The following DENND4C variants were observed in gnomAD, a reference collection of about 807,000 sequenced individuals.
The protein encoded by DENND4C is DENN domain containing 4C.
A neutral mutation model predicts 203.0 loss-of-function variants in DENND4C; 108 were observed. The ratio of observed to expected loss-of-function variants is 0.53; its 90% CI spans 0.46 to 0.62. DENND4C has a LOEUF of 0.62. DENND4C is among the 20% of genes least tolerant of loss of function. The pLI is 0.00. For missense variants in DENND4C, 2,481 were observed against 2,301.2 expected (o/e 1.08, Z -1.60); for synonymous variants, 871 against 792.4 (o/e 1.10, Z -1.67).
chr9:19,365,026 T>C (rs888401954), intron 30 of DENND4C, among the ~76,000 whole-genome samples: 37 of 152,344 alleles, frequency 2.4e-4, no homozygotes, highest in Middle Eastern at 3.4e-3. Flanking sequence ...AGTTTAAGCC[T>C]GAGAGCACTC....
At chr9:19,356,931 G>T (rs770137023) in intron 26 of DENND4C, 41 bp from the exon 27 acceptor site, 17 of 1,565,278 alleles carry the variant, frequency 1.1e-5, no homozygotes, top group Non-Finnish European at 1.4e-5. Flanking sequence ...GAAAACTTGA[G>T]GATTTTTAAA....
At chr9:19,355,456 T>C (rs1825184249) in intron 26 of DENND4C, among the ~76,000 whole-genome samples, 1 of 152,142 alleles carries the variant, frequency 6.6e-6, no homozygotes. Flanking sequence ...TTTATTCTAC[T>C]TTTTATATAT....
intron 1 of DENND4C, among the ~76,000 whole-genome samples, chr9:19,251,799 C>G (rs1434372166): frequency 6.6e-6 from 1 of 152,200 alleles, no homozygotes; most frequent in Non-Finnish European, 1.5e-5. Flanking sequence ...CAGTTTCCAA[C>G]AAGTTCCTCA....
Position 19,316,857 on chromosome 9 carries a change from T to G in DENND4C, c.1807+18T>G. On this transcript the variant is annotated intron_variant, in intron 12 of 32. Coordinates refer to ENST00000434457, the MANE Select transcript of DENND4C (RefSeq NM_001330640.2). ...CCGACAGGGTGAGTAGCATTGAAAG[T>G]ACAATTCCTTTTATTGAGGTGAAAA... is the stretch of plus-strand genomic sequence containing the variant. 6.3e-7 allele frequency: 1 copy of G among 1,579,162 alleles called. No individual in the cohort carries two copies. The highest frequency in any genetic ancestry group is 8.6e-7 in the Non-Finnish European group (1 of 1,162,816).
At chr9:19,283,372 G>C (rs973010919) in intron 2 of DENND4C, among the ~76,000 whole-genome samples, 4 of 152,016 alleles carry the variant, frequency 2.6e-5, no homozygotes, top group Non-Finnish European at 4.4e-5. Context: ...GGACCTGCCT[G>C]AGACTGTTTT....
In DENND4C at chr9:19,280,336, G is replaced by A. The variant is rs543279171; in HGVS notation, c.305+3857G>A. ...TAACTTTTGTATTTTTAGTAGAGACGGGGTTTCACCATGTTGGCCAGGCTG... is the reference window on the plus strand; with the variant it reads ...TAACTTTTGTATTTTTAGTAGAGACAGGGTTTCACCATGTTGGCCAGGCTG... On this transcript the variant is annotated intron_variant, in intron 2 of 32. Coordinates refer to ENST00000434457, the MANE Select transcript of DENND4C (RefSeq NM_001330640.2). Among the ~76,000 whole-genome samples, 24 of 152,074 alleles carry A rather than the reference G, an allele frequency of 1.6e-4. No individual in the cohort carries two copies. In the South Asian group the frequency reaches 4.6e-3, roughly 29 times the overall value.
chr9:19,314,282 G>C (rs977857606), intron 10 of DENND4C, among the ~76,000 whole-genome samples: 4 of 151,794 alleles, frequency 2.6e-5, no homozygotes, highest in Non-Finnish European at 5.9e-5. Context: ...GTGAAACCCC[G>C]TCTCTACTAA....
chr9:19,275,269 G>A (rs1938727233), intron 1 of DENND4C, among the ~76,000 whole-genome samples: 2 of 139,430 alleles, frequency 1.4e-5, no homozygotes, highest in Admixed American at 1.5e-4. Context: ...TGAGCCACCA[G>A]GCCCGGCCTT....
intron 1 of DENND4C, among the ~76,000 whole-genome samples, chr9:19,244,944 T>C (rs1320923090): frequency 6.6e-6 from 1 of 152,214 alleles, no homozygotes; most frequent in Non-Finnish European, 1.5e-5. Context: ...TGAGCACAGC[T>C]CATGTTTTTA....
At position 19,374,146 on chromosome 9, in the gene DENND4C, G is replaced by GC. The variant is rs1268487971; in HGVS notation, c.*1975dup. On this transcript the variant is annotated 3_prime_UTR_variant, in exon 33 of 33. Coordinates refer to ENST00000434457, the MANE Select transcript of DENND4C (RefSeq NM_001330640.2). ...AAATTGTTGTTTTCTGTTACATTAA[G>GC]CCTCTTGAAATCTGTAATCTTTAGA... Among the ~76,000 whole-genome samples, 1 of 152,046 alleles carries GC rather than the reference G, an allele frequency of 6.6e-6. No individual in the cohort carries two copies. The highest frequency in any genetic ancestry group is 1.5e-5 in the Non-Finnish European group (1 of 67,998).
chr9:19,306,861 G>C (rs887319346), intron 10 of DENND4C, among the ~76,000 whole-genome samples: 8 of 151,956 alleles, frequency 5.3e-5, no homozygotes, highest in Non-Finnish European at 8.8e-5. Flanking sequence ...ACTCTCTGCA[G>C]TCTCCGCCTC....
chr9:19,281,038 G>A (rs1833948085), intron 2 of DENND4C, among the ~76,000 whole-genome samples: 1 of 152,118 alleles, frequency 6.6e-6, no homozygotes, highest in South Asian at 2.1e-4. Flanking sequence ...ACTGTGCCGG[G>A]CCAGTCGTCT....
rs969160653 is a variant in DENND4C at position 19,276,217 on chromosome 9, G to A, written c.43G>A (p.Val15Ile). ...KGPRVTDYFV[V>I]AGLTDTSTLL... Reference sequence around the variant, plus strand: ...ACCAAGAGTGACAGACTACTTTGTCGTAGCTGGTCTCACTGACACATCTAC... The same window carrying A: ...ACCAAGAGTGACAGACTACTTTGTCATAGCTGGTCTCACTGACACATCTAC... Residue 15 changes from valine to isoleucine, a missense_variant, in exon 2 of 33, where the codon GTA becomes ATA. Physicochemically the swap from Val to Ile is conservative, Grantham distance 29 (BLOSUM62 3). Coordinates refer to ENST00000434457, the MANE Select transcript of DENND4C (RefSeq NM_001330640.2). 7 of 1,231,946 alleles carry A rather than the reference G, an allele frequency of 5.7e-6. No individual in the cohort carries two copies. The highest frequency in any genetic ancestry group is 1.6e-5 in the African/African-American group (1 of 64,396). The allele number at this position is 1,231,946 out of a possible 1,614,324, so 76.3% of individuals were successfully genotyped here.
At chr9:19,333,428 C>T (rs1253360149) in intron 17 of DENND4C, among the ~76,000 whole-genome samples, 1 of 152,104 alleles carries the variant, frequency 6.6e-6, no homozygotes, top group Admixed American at 6.6e-5. Context: ...AGGGGCCTGT[C>T]TTGTACATTG....
In DENND4C at chr9:19,237,401, G is replaced by A. The variant is rs141904378; in HGVS notation, c.-18+6568G>A. On this transcript the variant is annotated intron_variant, in intron 1 of 32. Coordinates refer to ENST00000434457, the MANE Select transcript of DENND4C (RefSeq NM_001330640.2). ...GAGTCTCGCTCTATCACCCAGGCTG[G>A]AGTGTAGTGGCGTGATCTCGGCTCA... Among the ~76,000 whole-genome samples the A allele has an allele frequency of 3.7e-3, 565 of 152,078 alleles. 3 individuals are homozygous for A. Among genetic ancestry groups the A allele is most frequent in the African/African-American group, 0.013 (536 of 41,498 alleles).
intron 1 of DENND4C, among the ~76,000 whole-genome samples, chr9:19,261,683 T>C (rs926879539): frequency 1.3e-5 from 2 of 150,948 alleles, no homozygotes; most frequent in African/African-American, 4.9e-5. Context: ...TTTTTTTTTT[T>C]ACTCTTAGAG....
chr9:19,334,295 C>A (rs1405613453), intron 17 of DENND4C, among the ~76,000 whole-genome samples: 1 of 152,084 alleles, frequency 6.6e-6, no homozygotes, highest in Admixed American at 6.5e-5. Flanking sequence ...AGGTGATCTG[C>A]CTGCCTGGGC....
At chr9:19,262,034 A>G (rs1312997248) in intron 1 of DENND4C, among the ~76,000 whole-genome samples, 4 of 120,528 alleles carry the variant, frequency 3.3e-5, no homozygotes, top group Non-Finnish European at 7.3e-5. Context: ...TGATTTTTGT[A>G]TATTGATTTT....
chr9:19,352,403 T>C (rs986242137), intron 25 of DENND4C, 87 bp from the exon 26 acceptor site: 25 of 1,335,920 alleles, frequency 1.9e-5, no homozygotes, highest in Non-Finnish European at 2.5e-5. Context: ...ATCAGTAGAA[T>C]AAAAAAAATC....
Sources: allele counts gnomAD v4.1 joint callset (sites outside exome capture counted in the v4.1 genomes callset), GRCh38; gene constraint gnomAD v4.1.1; transcripts MANE v1.5; gene names NCBI Gene and HGNC (gene_info 2026-07-23, HGNC 2026-07-21).